Variants in NLRP2 observed in about 807,000 individuals in gnomAD.
The protein encoded by NLRP2 is NACHT, LRR and PYD domains-containing protein 2.
A neutral mutation model predicts 97.2 loss-of-function variants in NLRP2; 107 were observed. The ratio of observed to expected loss-of-function variants is 1.10; its 90% CI spans 0.94 to 1.29. NLRP2 has a LOEUF of 1.29. Among genes scored for constraint, NLRP2 ranks in the 50% most tolerant of loss-of-function variants. The probability of loss-of-function intolerance (pLI) is 0.00; values close to 1 mark genes in which losing one functional copy is unlikely to be tolerated. For missense variants in NLRP2, 1,495 were observed against 1,330.3 expected, an observed-to-expected ratio of 1.12 and a Z score of -1.93; for synonymous variants, 663 against 551.5, an observed-to-expected ratio of 1.20 and a Z score of -2.83.
intron 3 of NLRP2, 49 bp from the exon 4 acceptor site, chr19:54,977,703 C>T (rs2071330442): frequency 6.3e-7 from 1 of 1,585,990 alleles, no homozygotes; most frequent in Non-Finnish European, 8.7e-7. Flanking sequence ...ATCTTGGAGT[C>T]CCACTGCCAG....
At position 54,982,610 on chromosome 19, in the gene NLRP2, C is replaced by CT. The variant is rs1215809849; in HGVS notation, c.913dup (p.Cys305LeufsTer79). Reference sequence around the variant, plus strand: ...CACCTGGGGCGCTGATCGAGGACATCTGCGGGGACTGGGAGAAGAAGAAGC... The same window carrying CT: ...CACCTGGGGCGCTGATCGAGGACATCTTGCGGGGACTGGGAGAAGAAGAAGC... On this transcript the variant is annotated frameshift_variant, in exon 6 of 13. Coordinates refer to ENST00000448584, the MANE Select transcript of NLRP2 (RefSeq NM_017852.5). LOFTEE classifies it high-confidence loss of function. 1 of 1,614,040 alleles carries CT rather than the reference C, an allele frequency of 6.2e-7. No homozygotes were observed. The highest frequency in any genetic ancestry group is 1.3e-5 in the African/African-American group (1 of 74,916).
chr19:54,991,817 C>G (rs535881384), intron 10 of NLRP2, among the ~76,000 whole-genome samples: 74 of 144,224 alleles, frequency 5.1e-4, no homozygotes, highest in African/African-American at 1.8e-3. Flanking sequence ...GAGCCGAGAT[C>G]GTGCCAGCCT....
chr19:54,970,798 T>G (rs975023442), intron 2 of NLRP2, among the ~76,000 whole-genome samples: 6 of 144,914 alleles, frequency 4.1e-5, no homozygotes, highest in Non-Finnish European at 7.7e-5. Flanking sequence ...GTCCTTTTAT[T>G]TTTTTATTTT....
In NLRP2 at chr19:54,974,617, T is replaced by G. The variant is rs375224428; in HGVS notation, c.325+73T>G. On this transcript the variant is annotated intron_variant, in intron 3 of 12. Coordinates refer to ENST00000448584, the MANE Select transcript of NLRP2 (RefSeq NM_017852.5). ...ACTCGGGCCTTTGTTTTAAGGAGAA[T>G]GTGCTGAGCACTAAGAATGCAAAGA... is the stretch of plus-strand genomic sequence containing the variant. The G allele has an allele frequency of 1.5e-4, 156 of 1,069,748 alleles. 3 individuals carry two copies. The South Asian group carries it at 1.9e-3, about 13-fold the overall frequency. The allele number at this position is 1,069,748 out of a possible 1,614,324, so 66.3% of individuals were successfully genotyped here. A position where few individuals can be genotyped will look rare whatever the true frequency, so the allele number is the denominator to read the frequency against.
At chr19:54,997,068 C>T (rs3786861) in intron 11 of NLRP2, among the ~76,000 whole-genome samples, 45,538 of 152,006 alleles carry the variant, frequency 0.3, 7,158 homozygotes, top group Middle Eastern at 0.42. Flanking sequence ...TCACCACGCC[C>T]AGCTAACTTC....
Position 54,982,638 on chromosome 19 carries a change from G to T in NLRP2, c.940G>T (p.Val314Leu). 3 of 1,614,176 alleles carry T rather than the reference G, an allele frequency of 1.9e-6. No individual in the cohort carries two copies. The highest frequency in any genetic ancestry group is 2.5e-6 in the Non-Finnish European group (3 of 1,180,040). Residue 314 changes from valine to leucine, a missense_variant, in exon 6 of 13, where the codon GTG (valine) becomes TTG (leucine). Coordinates refer to ENST00000448584, the MANE Select transcript of NLRP2 (RefSeq NM_017852.5). ...CGGGGACTGGGAGAAGAAGAAGCCG[G>T]TGCCCGTCCTCCTGGGGAGTTTGCT... ...ICGDWEKKKP[V>L]PVLLGSLLNR...
intron 3 of NLRP2, among the ~76,000 whole-genome samples, chr19:54,975,124 T>G (rs1370515743): frequency 6.3e-4 from 63 of 100,726 alleles, no homozygotes; most frequent in South Asian, 9.1e-4. Context: ...TTTTTTTTTT[T>G]TTTTTTTTTT....
chr19:54,985,702 A>G (rs578087118), intron 7 of NLRP2, among the ~76,000 whole-genome samples: 7 of 139,912 alleles, frequency 5.0e-5, no homozygotes, highest in Admixed American at 2.8e-4. Flanking sequence ...AAAAAAAGAA[A>G]AAGAAAAAAA....
intron 4 of NLRP2, 46 bp from the exon 5 acceptor site, chr19:54,981,571 A>C: frequency 9.9e-7 from 1 of 1,010,052 alleles, no homozygotes; most frequent in Non-Finnish European, 1.5e-6. Flanking sequence ...TCCACAGGAA[A>C]TACACCTGAT....
chr19:54,997,647 G>A (rs891358840), intron 12 of NLRP2, among the ~76,000 whole-genome samples, 160 bp downstream of exon 12: 4 of 151,900 alleles, frequency 2.6e-5, no homozygotes, highest in African/African-American at 4.8e-5. Context: ...GAGAAACGGG[G>A]TTTCACCATG....
chr19:54,990,612 C>A lies in NLRP2; in HGVS notation c.2648C>A (p.Thr883Lys). Reference sequence around the variant, plus strand: ...TTGGCCAAGAACCCCATTGGGAATACAGGGGTGAAGTTTCTGTGTGAGGGC... The same window carrying A: ...TTGGCCAAGAACCCCATTGGGAATAAAGGGGTGAAGTTTCTGTGTGAGGGC... Reference protein sequence around the residue: ...LCLAKNPIGNTGVKFLCEGLR... With the variant: ...LCLAKNPIGNKGVKFLCEGLR... Residue 883 changes from threonine (T) to lysine (K), a missense_variant, in exon 10 of 13, where the codon ACA becomes AAA. Coordinates refer to ENST00000448584, the MANE Select transcript of NLRP2 (RefSeq NM_017852.5). 1.9e-6 allele frequency: 3 copies of A among 1,614,148 alleles called. No individual in the cohort carries two copies. The highest frequency in any genetic ancestry group is 2.5e-6 in the Non-Finnish European group (3 of 1,180,026).
intron 1 of NLRP2, among the ~76,000 whole-genome samples, chr19:54,968,135 C>T (rs1444394186): frequency 2.0e-5 from 3 of 152,046 alleles, no homozygotes; most frequent in Admixed American, 6.6e-5. Flanking sequence ...CCAGGCTGGT[C>T]TCAAGCTCCA....
intron 3 of NLRP2, among the ~76,000 whole-genome samples, chr19:54,975,654 G>T (rs942322220): frequency 3.3e-5 from 5 of 151,420 alleles, no homozygotes; most frequent in African/African-American, 1.2e-4. Flanking sequence ...GGGTTTCACC[G>T]TGTTAGCCAG....
chr19:54,981,475 A>T, intron 4 of NLRP2, 142 bp from the exon 5 acceptor site: 1 of 674,380 alleles, frequency 1.5e-6, no homozygotes, highest in Non-Finnish European at 2.7e-6. Flanking sequence ...GCCGGAAAAC[A>T]CATTTGTAGC....
chr19:54,981,809 G>A, intron 5 of NLRP2, 127 bp downstream of exon 5: 1 of 744,992 alleles, frequency 1.3e-6, no homozygotes, highest in Non-Finnish European at 2.4e-6. Flanking sequence ...ACGGAGTTTT[G>A]CTCTTGTTGC....
chr19:54,989,639 C>A, intron 8 of NLRP2: 1 of 346,154 alleles, frequency 2.9e-6, no homozygotes, highest in South Asian at 2.6e-5. Context: ...CGGGGTATAA[C>A]ACAACCAGTG....
In NLRP2 at chr19:54,983,738, G is replaced by A. The variant is rs7254951; in HGVS notation, c.2030+10G>A. 101,613 of 1,607,662 alleles carry A rather than the reference G, an allele frequency of 0.063. 3,711 individuals are homozygous for A. The highest frequency in any genetic ancestry group is 0.11 in the South Asian group (9,649 of 91,002). On this transcript the variant is annotated intron_variant, in intron 6 of 12. Coordinates refer to ENST00000448584, the MANE Select transcript of NLRP2 (RefSeq NM_017852.5). ...ACGCCGAGGTTGAGAGGTGAGAACC[G>A]TTTCACTCTACCAGTCGTTCCATCT...
At chr19:54,984,414 A>G (rs2071902518) in intron 6 of NLRP2, among the ~76,000 whole-genome samples, 1 of 137,910 alleles carries the variant, frequency 7.3e-6, no homozygotes, top group Non-Finnish European at 1.5e-5. Flanking sequence ...CACTGAGATT[A>G]CAGGCATGAG....
At chr19:54,992,093 T>G (rs1021461272) in intron 10 of NLRP2, among the ~76,000 whole-genome samples, 18 of 151,372 alleles carry the variant, frequency 1.2e-4, no homozygotes, top group Non-Finnish European at 2.2e-4. Context: ...ATTTTTATAT[T>G]TTTAGTAGAG....
Sources: gnomAD v4.1 joint callset for allele counts (sites outside exome capture counted in the v4.1 genomes callset) on GRCh38, gnomAD v4.1.1 for gene constraint, MANE v1.5 for transcripts, NCBI Gene and HGNC (gene_info 2026-07-23, HGNC 2026-07-21) for gene names.